The following CDH2 variants were observed in gnomAD, a reference collection of about 807,000 sequenced individuals.
The protein encoded by CDH2 is cadherin 2.
Under a neutral mutation model 92.0 loss-of-function variants are expected in CDH2, and 17 were observed. The ratio of observed to expected loss-of-function variants is 0.18; its 90% CI spans 0.13 to 0.28. The LOEUF is 0.28. Among genes scored for constraint, CDH2 ranks in the 10% least tolerant of loss-of-function variants. CDH2 has a pLI of 1.00. For missense variants in CDH2, 862 were observed against 1,133.1 expected (o/e 0.76, Z 3.44); for synonymous variants, 419 against 415.9 (o/e 1.01, Z -0.09).
chr18:27,974,325 G>T (rs902973027), intron 14 of CDH2, among the ~76,000 whole-genome samples: 2 of 152,114 alleles, frequency 1.3e-5, no homozygotes, highest in Non-Finnish European at 2.9e-5. Context: ...TGCTTGTCCT[G>T]CTTAAAGAGG....
intron 15 of CDH2, among the ~76,000 whole-genome samples, chr18:27,952,719 C>T (rs562476550): frequency 5.9e-5 from 9 of 152,156 alleles, no homozygotes; most frequent in African/African-American, 1.9e-4. Context: ...AGCAGCATTG[C>T]TAGATTAAAT....
intron 2 of CDH2, among the ~76,000 whole-genome samples, chr18:28,116,608 A>G (rs2015500102): frequency 6.6e-6 from 1 of 152,162 alleles, no homozygotes; most frequent in Admixed American, 6.6e-5. Context: ...CAACTCCCAA[A>G]AGGGTAGACT....
intron 2 of CDH2, among the ~76,000 whole-genome samples, chr18:28,094,349 A>G (rs997690440): frequency 3.3e-5 from 5 of 151,916 alleles, no homozygotes; most frequent in Admixed American, 3.3e-4. Context: ...TTAGCCAGGC[A>G]TGGTGGTGCA....
rs200907338 is a variant in CDH2, at chr18:28,013,680, T to C, written c.399+3A>G. 1,503 of 1,602,288 alleles carry C rather than the reference T, an allele frequency of 9.4e-4. No homozygotes were observed. The highest frequency in any genetic ancestry group is 1.1e-3 in the Non-Finnish European group (1,278 of 1,169,186). ...GCCCTAAAGCCATATTCGGATACTA[T>C]ACCTTCACTGACTCCTCAGTTAAGG... On this transcript the variant is annotated splice_donor_region_variant and intron_variant, in intron 3 of 15. Coordinates refer to ENST00000269141, the MANE Select transcript of CDH2 (RefSeq NM_001792.5).
intron 2 of CDH2, among the ~76,000 whole-genome samples, chr18:28,025,190 A>G (rs941282881): frequency 2.0e-5 from 3 of 152,104 alleles, no homozygotes; most frequent in African/African-American, 7.2e-5. Context: ...CCTCTCTTGC[A>G]ATGGGTCTAC....
intron 2 of CDH2, among the ~76,000 whole-genome samples, chr18:28,023,633 T>C (rs908827849): frequency 6.6e-6 from 1 of 152,128 alleles, no homozygotes; most frequent in Admixed American, 6.5e-5. Flanking sequence ...ATGAATATTT[T>C]AAAACATGAA....
chr18:27,951,001 G>T lies in CDH2; in HGVS notation c.*1152C>A, dbSNP rs1420306659. 6.6e-6 allele frequency: 1 copy of T among 152,338 alleles called. No homozygotes were observed. Among genetic ancestry groups the T allele is most frequent in the African/African-American group, 2.4e-5 (1 of 41,378 alleles). The allele number at this position is 152,338 out of a possible 1,614,324, so 9.4% of individuals were successfully genotyped here. On this transcript the variant is annotated 3_prime_UTR_variant, in exon 16 of 16. Transcript: ENST00000269141. Reference sequence around the variant, plus strand: ...AATTAGCATTTTATTCAGAACGCTGGGGTCAGAGGTGTATCATTTATATTC... The same window carrying T: ...AATTAGCATTTTATTCAGAACGCTGTGGTCAGAGGTGTATCATTTATATTC...
intron 2 of CDH2, among the ~76,000 whole-genome samples, chr18:28,082,664 T>C (rs778990121): frequency 8.5e-5 from 13 of 152,236 alleles, no homozygotes; most frequent in Non-Finnish European, 1.6e-4. Context: ...TGGTGCATTA[T>C]ACATGTTGTT....
At chr18:28,108,789 AAGAC>A (rs894342385) in intron 2 of CDH2, among the ~76,000 whole-genome samples, 3 of 151,894 alleles carry the variant, frequency 2.0e-5, no homozygotes, top group African/African-American at 7.3e-5. Flanking sequence ...AAAAAAAAAA[AAGAC>A]AGAAACAGCT....
intron 2 of CDH2, among the ~76,000 whole-genome samples, chr18:28,125,609 C>T (rs903406620): frequency 4.6e-5 from 7 of 152,052 alleles, no homozygotes; most frequent in African/African-American, 1.4e-4. Context: ...TAAGAAAATG[C>T]TTCATTTTGA....
intron 6 of CDH2, among the ~76,000 whole-genome samples, chr18:27,937,101 C>T (rs924489885): frequency 1.3e-5 from 2 of 152,046 alleles, no homozygotes; most frequent in Admixed American, 1.3e-4. Flanking sequence ...TTTCTCTTTT[C>T]TGGGAACATT....
intron 2 of CDH2, among the ~76,000 whole-genome samples, chr18:28,085,688 A>G (rs149544229): frequency 3.9e-5 from 6 of 152,192 alleles, no homozygotes; most frequent in African/African-American, 1.4e-4. Context: ...AAAGTCACAC[A>G]TCGGATGGAA....
intron 2 of CDH2, among the ~76,000 whole-genome samples, chr18:28,115,410 GACC>G (rs2015480653): frequency 6.6e-6 from 1 of 152,106 alleles, no homozygotes. Context: ...TCCTGGTGCT[GACC>G]ACCACAACAT....
At position 27,992,660 on chromosome 18, in the gene CDH2, C is replaced by A. The variant is rs201819341; in HGVS notation, c.1339G>T (p.Val447Phe). The change falls in exon 9 of 16, where the codon GTC (valine) becomes TTC (phenylalanine). Residue 447 changes from valine (V) to phenylalanine (F), a missense_variant. Val to Phe is a conservative substitution (Grantham distance 50, BLOSUM62 -1). Transcript: ENST00000269141. ...PNSNDGLVTV[V>F]KPIDFETNRM... ...GTGGCCCGAGGAACACTTACTTTGA[C>A]CACGGTGACTAACCCGTCGTTGCTG... is the stretch of plus-strand genomic sequence containing the variant. 13 of 1,610,472 alleles carry A rather than the reference C, an allele frequency of 8.1e-6. No individual in the cohort carries two copies. Among genetic ancestry groups the A allele is most frequent in the South Asian group, 1.1e-5 (1 of 90,476 alleles).
chr18:28,070,534 G>A (rs1384147272), intron 2 of CDH2, among the ~76,000 whole-genome samples: 4 of 152,128 alleles, frequency 2.6e-5, no homozygotes, highest in Admixed American at 1.3e-4. Context: ...AGAGGATGCC[G>A]ACCAAACTGC....
intron 2 of CDH2, among the ~76,000 whole-genome samples, chr18:28,053,605 T>C (rs1260441964): frequency 2.0e-5 from 3 of 152,220 alleles, no homozygotes; most frequent in South Asian, 4.1e-4. Flanking sequence ...AAATAACCAA[T>C]TAAGTCCTAT....
At chr18:27,955,522 C>G (rs1310791834) in intron 15 of CDH2, among the ~76,000 whole-genome samples, 1 of 151,496 alleles carries the variant, frequency 6.6e-6, no homozygotes, top group Non-Finnish European at 1.5e-5. Flanking sequence ...TTACTATGTC[C>G]AGGGAATAAA....
rs142021187 is a variant in CDH2 at position 28,027,247 on chromosome 18, G to A, written c.173-13338C>T. ...AGCTTGAGTGACCTACAACAAGACA[G>A]TAAAATTAGGACAAAAGGTCTATAA... On this transcript the variant is annotated intron_variant, in intron 2 of 15. Coordinates refer to ENST00000269141, the MANE Select transcript of CDH2 (RefSeq NM_001792.5). 1.1e-3 allele frequency among the ~76,000 whole-genome samples: 162 copies of A among 152,102 alleles called. 6 individuals are homozygous for A. The highest frequency in any genetic ancestry group is 3.8e-3 in the African/African-American group (157 of 41,516).
intron 2 of CDH2, among the ~76,000 whole-genome samples, chr18:28,063,187 G>GA (rs578009764): frequency 2.1e-4 from 32 of 151,800 alleles, no homozygotes; most frequent in Non-Finnish European, 4.1e-4. Context: ...AACTATTTGG[G>GA]AAAAAAAATT....
Sources: gnomAD v4.1 joint callset for allele counts (sites outside exome capture counted in the v4.1 genomes callset) on GRCh38, gnomAD v4.1.1 for gene constraint, MANE v1.5 for transcripts, NCBI Gene and HGNC (gene_info 2026-07-23, HGNC 2026-07-21) for gene names.